IFNGR1: variants seen among roughly 807,000 people sequenced by gnomAD.
The protein encoded by IFNGR1 is interferon gamma receptor 1, also known as AVP, type 2.
Under a neutral mutation model 35.4 loss-of-function variants are expected in IFNGR1, and 23 were observed. The observed-to-expected ratio is 0.65, with a 90% CI of 0.47 to 0.92. The LOEUF is 0.92. IFNGR1 is among the 40% of genes least tolerant of loss of function. The pLI, the probability that IFNGR1 is intolerant of heterozygous loss-of-function variation, is 0.00. For missense variants in IFNGR1, 533 were observed against 583.4 expected, an observed-to-expected ratio of 0.91 and a Z score of 0.89; for synonymous variants, 199 against 209.5, an observed-to-expected ratio of 0.95 and a Z score of 0.43.
At position 137,206,155 on chromosome 6, in the gene IFNGR1, T is replaced by C. The variant is rs1456565199; in HGVS notation, c.354A>G (p.Glu118=). ...QKESAYAKSE[E]FAVCRDGKIG... is the part of the protein sequence containing the mutation. ...ACTCACCATCTCGGCATACAGCAAA[T>C]TCTTCTGACTTTGCATAGGCAGATT... Residue 118 remains glutamate (E), a synonymous_variant, in exon 3 of 7, where the codon GAA becomes GAG. Transcript: ENST00000367739. 3 of 1,613,916 alleles carry C rather than the reference T, an allele frequency of 1.9e-6. No individual in the cohort carries two copies. In the African/African-American group the frequency reaches 4.0e-5, roughly 22 times the overall value.
chr6:137,198,396 T>A lies in IFNGR1; in HGVS notation c.1105A>T (p.Ser369Cys). 1 of 1,614,174 alleles carries A rather than the reference T, an allele frequency of 6.2e-7. No homozygotes were observed. The highest frequency in any genetic ancestry group is 8.5e-7 in the Non-Finnish European group (1 of 1,180,022). ...EENIPDVVPG[S>C]HLTPIERESS... ...TCTCTCTCTATTGGAGTCAGATGGC[T>A]GCCCGGGACCACGTCAGGAATATTT... Residue 369 changes from serine to cysteine, a missense_variant, in exon 7 of 7, where the codon AGC becomes TGC. Physicochemically the swap from Ser to Cys is moderately radical, Grantham distance 112. Coordinates refer to ENST00000367739, the MANE Select transcript of IFNGR1 (RefSeq NM_000416.3).
intron 1 of IFNGR1, among the ~76,000 whole-genome samples, chr6:137,211,194 C>T (rs1279871813): frequency 6.6e-6 from 1 of 151,854 alleles, no homozygotes; most frequent in Non-Finnish European, 1.5e-5. Flanking sequence ...ATCAGACAGC[C>T]TCCACAACAA....
At chr6:137,201,410 C>T (rs1200783962) in intron 5 of IFNGR1, among the ~76,000 whole-genome samples, 3 of 152,150 alleles carry the variant, frequency 2.0e-5, no homozygotes, top group African/African-American at 7.2e-5. Flanking sequence ...CACAGTGGCT[C>T]AAGCCTGTAA....
chr6:137,197,495 ATTCT>A lies in IFNGR1; in HGVS notation c.*532_*535del, dbSNP rs1037185453. 2 of 152,560 alleles carry A rather than the reference ATTCT, an allele frequency of 1.3e-5. No homozygotes were observed. The highest frequency in any genetic ancestry group is 1.5e-5 in the Non-Finnish European group (1 of 68,314). The allele number at this position is 152,560 out of a possible 1,614,324, so 9.5% of individuals were successfully genotyped here. A position where few individuals can be genotyped will look rare whatever the true frequency, so the allele number is the denominator to read the frequency against. On this transcript the variant is annotated 3_prime_UTR_variant, in exon 7 of 7. Transcript: ENST00000367739. Reference sequence around the variant, plus strand: ...AATGAATACAAAAACGAGTTTTAAAATTCTTTATTTAAAAATCTCTAACTGTAAT... The same window carrying A: ...AATGAATACAAAAACGAGTTTTAAAATTATTTAAAAATCTCTAACTGTAAT...
intron 6 of IFNGR1, among the ~76,000 whole-genome samples, chr6:137,198,939 G>T (rs546746557): frequency 6.6e-6 from 1 of 152,298 alleles, no homozygotes; most frequent in African/African-American, 2.4e-5. Flanking sequence ...TTGATCCTGG[G>T]TGTGTCTGTG....
intron 4 of IFNGR1, 75 bp from the exon 5 acceptor site, chr6:137,203,760 TC>T: frequency 8.3e-7 from 1 of 1,202,724 alleles, no homozygotes; most frequent in Non-Finnish European, 1.2e-6. Flanking sequence ...ACCATATTAG[TC>T]CTGGTCAAAC....
rs2114473415 is a variant in IFNGR1 at position 137,203,522 on chromosome 6, G to T, written c.710C>A (p.Thr237Asn). Residue 237 changes from threonine to asparagine, a missense_variant, in exon 5 of 7, where the codon ACC (threonine) becomes AAC (asparagine). By Grantham distance (65) the Thr-to-Asn change is moderately conservative. Coordinates refer to ENST00000367739, the MANE Select transcript of IFNGR1 (RefSeq NM_000416.3). ...ACCTTTTATACTGCTATTGAAAATG[G>T]TAATACAAACTTCTTTTGACTTTTC... ...TTEKSKEVCITIFNSSIKGSL... is the reference protein window; with the variant it reads ...TTEKSKEVCINIFNSSIKGSL... 1.2e-6 allele frequency: 2 copies of T among 1,603,004 alleles called. No individual in the cohort carries two copies. Among genetic ancestry groups the T allele is most frequent in the Middle Eastern group, 1.7e-4 (1 of 6,042 alleles).
chr6:137,212,336 C>T (rs926857566), intron 1 of IFNGR1, among the ~76,000 whole-genome samples: 1 of 152,182 alleles, frequency 6.6e-6, no homozygotes, highest in Non-Finnish European at 1.5e-5. Context: ...CTGCTCACTG[C>T]AACCTCTGCC....
chr6:137,215,559 T>C (rs997789298), intron 1 of IFNGR1, among the ~76,000 whole-genome samples: 3 of 152,218 alleles, frequency 2.0e-5, no homozygotes, highest in Non-Finnish European at 4.4e-5. Context: ...GGTTCAAACC[T>C]CATTCTGATT....
At chr6:137,206,006 C>CTCTAAATTCCTCCAAGTGTT (rs1562286540) in intron 3 of IFNGR1, 130 bp downstream of exon 3, 3 of 785,626 alleles carry the variant, frequency 3.8e-6, no homozygotes, top group Non-Finnish European at 4.3e-6. Context: ...CCTGTACTGA[C>CTCTAAATTCCTCCAAGTGTT]TCTAAATTCC....
intron 2 of IFNGR1, 99 bp from the exon 3 acceptor site, chr6:137,206,407 G>T (rs917510711): frequency 9.2e-6 from 8 of 866,528 alleles, no homozygotes; most frequent in African/African-American, 1.7e-5. Flanking sequence ...AGCACAAAGC[G>T]GTAGAAAGAG....
Position 137,198,368 on chromosome 6 carries a change from C to G in IFNGR1, c.1133G>C (p.Ser378Thr). 1.9e-6 allele frequency: 3 copies of G among 1,613,136 alleles called. No homozygotes were observed. The South Asian group carries it at 3.3e-5, about 18-fold the overall frequency. ...CTGGTTACTACTTAAAGGTGAAGAA[C>G]TCTCTCTCTCTATTGGAGTCAGATG... ...GSHLTPIERE[S>T]SSPLSSNQSE... Residue 378 changes from serine (S) to threonine (T), a missense_variant, in exon 7 of 7, where the codon AGT (serine) becomes ACT (threonine). Coordinates refer to ENST00000367739, the MANE Select transcript of IFNGR1 (RefSeq NM_000416.3).
Position 137,198,588 on chromosome 6 carries a change from C to A in IFNGR1, c.913G>T (p.Val305Leu), listed in dbSNP as rs1356141512. The A allele has an allele frequency of 6.2e-7, 1 of 1,613,722 alleles. No homozygotes were observed. Among genetic ancestry groups the A allele is most frequent in the South Asian group, 1.1e-5 (1 of 91,062 alleles). ...TLETKPESKY[V>L]SLITSYQPFS... ...GGCTGGTATGACGTGATGAGTGATACATATTTTGATTCAGGTTTTGTCTCT... is the reference window on the plus strand; with the variant it reads ...GGCTGGTATGACGTGATGAGTGATAAATATTTTGATTCAGGTTTTGTCTCT... Residue 305 changes from valine (V) to leucine (L), a missense_variant, in exon 7 of 7, where the codon GTA becomes TTA. By Grantham distance (32) the Val-to-Leu change is conservative (BLOSUM62 1). Coordinates refer to ENST00000367739, the MANE Select transcript of IFNGR1 (RefSeq NM_000416.3).
At chr6:137,218,931 A>C in intron 1 of IFNGR1, 1 of 486,312 alleles carries the variant, frequency 2.1e-6, no homozygotes. Flanking sequence ...GCTGTCCCAC[A>C]TTGACCAGCA....
Position 137,207,759 on chromosome 6 carries a change from C to T in IFNGR1, c.86-682G>A, listed in dbSNP as rs527336648. ...AAGTTCAATTAAACATCTTTTTCTT[C>T]CCAGTCTTGGGCATGTCTTTATCAG... On this transcript the variant is annotated intron_variant, in intron 1 of 6. Transcript: ENST00000367739. Among the ~76,000 whole-genome samples, 6 of 152,224 alleles carry T rather than the reference C, an allele frequency of 3.9e-5. No individual in the cohort carries two copies. In the South Asian group the frequency reaches 1.2e-3, roughly 32 times the overall value.
rs17175315 is a variant in IFNGR1, at chr6:137,207,426, T to C, written c.86-349A>G. Among the ~76,000 whole-genome samples the C allele has an allele frequency of 1.0e-3, 156 of 152,292 alleles. 1 individual carries two copies. Among genetic ancestry groups the C allele is most frequent in the African/African-American group, 3.5e-3 (147 of 41,570 alleles). ...CTCATTTCATCACTAGAATTTTCAATATTTGATACTACAGATTGTATTCAA... is the reference window on the plus strand; with the variant it reads ...CTCATTTCATCACTAGAATTTTCAACATTTGATACTACAGATTGTATTCAA... On this transcript the variant is annotated intron_variant, in intron 1 of 6. Transcript: ENST00000367739.
In IFNGR1 at chr6:137,198,568, G is replaced by A. The variant is rs748661760; in HGVS notation, c.933C>T (p.Tyr311=). 9 of 1,613,910 alleles carry A rather than the reference G, an allele frequency of 5.6e-6. No individual in the cohort carries two copies. The South Asian group carries it at 6.6e-5, about 12-fold the overall frequency. The change falls in exon 7 of 7, where the codon TAC becomes TAT. Residue 311 remains tyrosine, a synonymous_variant. Transcript: ENST00000367739. The part of the protein sequence containing the change: ...ESKYVSLITS[Y]QPFSLEKEVV... ...CCTCCTTTTCTAAGGAAAATGGCTGGTATGACGTGATGAGTGATACATATT... is the reference window on the plus strand; with the variant it reads ...CCTCCTTTTCTAAGGAAAATGGCTGATATGACGTGATGAGTGATACATATT...
rs1779159627 is a variant in IFNGR1, at chr6:137,198,602, G to A, written c.899C>T (p.Pro300Leu). The A allele has an allele frequency of 6.2e-7, 1 of 1,613,316 alleles. No homozygotes were observed. The highest frequency in any genetic ancestry group is 8.5e-7 in the Non-Finnish European group (1 of 1,179,916). ...VVRSATLETK[P>L]ESKYVSLITS... ...GATGAGTGATACATATTTTGATTCA[G>A]GTTTTGTCTCTAAAGTAGCACTTCT... The change falls in exon 7 of 7, where the codon CCT becomes CTT. Residue 300 changes from proline to leucine, a missense_variant. Physicochemically the swap from Pro to Leu is moderately conservative, Grantham distance 98. Coordinates refer to ENST00000367739, the MANE Select transcript of IFNGR1 (RefSeq NM_000416.3).
Position 137,204,374 on chromosome 6 carries a change from G to A in IFNGR1, c.504C>T (p.Tyr168=), listed in dbSNP as rs1287150558. The A allele has an allele frequency of 2.5e-6, 4 of 1,613,750 alleles. No homozygotes were observed. The highest frequency in any genetic ancestry group is 2.5e-6 in the Non-Finnish European group (3 of 1,179,822). ...TCACATACACATTGTACACCCTAAT[G>A]TAACAGGTAGTTTCGGGATCATAAT... ...EVDYDPETTC[Y]IRVYNVYVRM... The change falls in exon 4 of 7, where the codon TAC becomes TAT. Residue 168 remains tyrosine (Y), a synonymous_variant. Transcript: ENST00000367739.
Sources: allele counts gnomAD v4.1 joint callset (sites outside exome capture counted in the v4.1 genomes callset), GRCh38; gene constraint gnomAD v4.1.1; transcripts MANE v1.5; gene names NCBI Gene and HGNC (gene_info 2026-07-23, HGNC 2026-07-21).